Variants in ADGRL2 observed in about 807,000 individuals in gnomAD.
ADGRL2 encodes calcium-independent alpha-latrotoxin receptor 2.
Under a neutral mutation model 157.4 loss-of-function variants are expected in ADGRL2, and 44 were observed. That is an observed-to-expected ratio of 0.28 (90% CI 0.22 to 0.36). The LOEUF (loss-of-function observed/expected upper bound fraction) is 0.36. ADGRL2 is among the 10% of genes least tolerant of loss of function. ADGRL2 has a pLI of 1.00. For synonymous variants in ADGRL2, 585 were observed against 624.7 expected, an observed-to-expected ratio of 0.94 and a Z score of 0.95; for missense variants, 1,510 against 1,768.9, an observed-to-expected ratio of 0.85 and a Z score of 2.63.
At chr1:81,762,708 G>A (rs139951398) in intron 2 of ADGRL2, among the ~76,000 whole-genome samples, 3 of 152,154 alleles carry the variant, frequency 2.0e-5, no homozygotes, top group East Asian at 3.9e-4. Flanking sequence ...GTGCATGTGC[G>A]CTTATATAGA....
At chr1:81,595,587 G>T (rs1037824089) in intron 3 of ADGRL2, among the ~76,000 whole-genome samples, 2 of 152,098 alleles carry the variant, frequency 1.3e-5, no homozygotes, top group Non-Finnish European at 2.9e-5. Flanking sequence ...CAGTACTGGG[G>T]CAAATGTGGT....
intron 2 of ADGRL2, among the ~76,000 whole-genome samples, chr1:81,767,667 T>C (rs1271641505): frequency 1.3e-5 from 2 of 151,248 alleles, no homozygotes; most frequent in African/African-American, 4.9e-5. Context: ...AATCCAGGAG[T>C]TCGAGATCAG....
At chr1:81,881,324 C>T (rs1045257771) in intron 2 of ADGRL2, among the ~76,000 whole-genome samples, 28 of 152,212 alleles carry the variant, frequency 1.8e-4, no homozygotes, top group Admixed American at 1.3e-3. Flanking sequence ...TACAGGAGCC[C>T]GCCGCCACGC....
chr1:81,966,101 CTT>C lies in ADGRL2; in HGVS notation c.2063_2064del (p.Phe688Ter), dbSNP rs1436050403. On this transcript the variant is annotated frameshift_variant, in exon 12 of 24. Coordinates refer to ENST00000686636, the MANE Select transcript of ADGRL2 (RefSeq NM_001366006.2). LOFTEE classifies it high-confidence loss of function. ...TCAGTACAGAAGGACAGATCCAAGA[CTT>C]TAAATTTCCTCTGGGCATCAAAGGA... is the stretch of plus-strand genomic sequence containing the variant. The part of the protein sequence containing the change: ...VLSTEGQIQD[F>X]KFPLGIKGAG... 1 of 1,613,920 alleles carries C rather than the reference CTT, an allele frequency of 6.2e-7. No homozygotes were observed. Among genetic ancestry groups the C allele is most frequent in the African/African-American group, 1.3e-5 (1 of 74,906 alleles).
chr1:81,453,617 A>C (rs1476834789), intron 2 of ADGRL2, among the ~76,000 whole-genome samples: 2 of 152,204 alleles, frequency 1.3e-5, no homozygotes, highest in Non-Finnish European at 2.9e-5. Flanking sequence ...CATAGTTGTA[A>C]ACTGGGAAAT....
intron 3 of ADGRL2, among the ~76,000 whole-genome samples, chr1:81,609,028 A>G (rs2081489384): frequency 6.8e-6 from 1 of 147,242 alleles, no homozygotes; most frequent in African/African-American, 2.5e-5. Flanking sequence ...GTAAGCAAAT[A>G]CATGTACAAG....
intron 2 of ADGRL2, among the ~76,000 whole-genome samples, chr1:81,578,565 C>T (rs1448968944): frequency 6.6e-6 from 1 of 152,064 alleles, no homozygotes; most frequent in Non-Finnish European, 1.5e-5. Context: ...TTAACCTTTT[C>T]TTTTACACCT....
At chr1:81,952,246 T>C in intron 9 of ADGRL2, 104 bp downstream of exon 9, 1 of 844,114 alleles carries the variant, frequency 1.2e-6, no homozygotes, top group Non-Finnish European at 1.7e-6. Flanking sequence ...GGACATATAC[T>C]TAGAAGCAAA....
At chr1:81,708,756 A>G in intron 1 of ADGRL2, among the ~76,000 whole-genome samples, 1 of 152,010 alleles carries the variant, frequency 6.6e-6, no homozygotes, top group East Asian at 1.9e-4. Flanking sequence ...AATCTCTGTT[A>G]TGTGATCACA....
intron 1 of ADGRL2, among the ~76,000 whole-genome samples, chr1:81,429,986 T>C (rs1304011736): frequency 6.6e-6 from 1 of 151,986 alleles, no homozygotes; most frequent in Non-Finnish European, 1.5e-5. Context: ...CTCCGCCTCC[T>C]GGGTTCAAGC....
At chr1:81,503,402 G>C in intron 2 of ADGRL2, 1 of 1,613,826 alleles carries the variant, frequency 6.2e-7, no homozygotes. Context: ...AGCTCTCACT[G>C]TTCACCAAGT....
At chr1:81,368,218 A>T (rs1323598918) in intron 1 of ADGRL2, among the ~76,000 whole-genome samples, 2 of 152,108 alleles carry the variant, frequency 1.3e-5, no homozygotes, top group African/African-American at 2.4e-5. Flanking sequence ...AATAATCACC[A>T]TTCTGACTGG....
At chr1:81,863,124 T>G (rs2093437151) in intron 2 of ADGRL2, among the ~76,000 whole-genome samples, 2 of 152,126 alleles carry the variant, frequency 1.3e-5, no homozygotes, top group East Asian at 3.9e-4. Flanking sequence ...TGTTTGTGAT[T>G]AATAGCCGGT....
chr1:81,677,768 T>C lies in ADGRL2; in HGVS notation c.-142-84043T>C, dbSNP rs181217121. On this transcript the variant is annotated intron_variant, in intron 3 of 24. Transcript: ENST00000370721. ...TGCCAACCCATTCTTTATGTTGAAT[T>C]ATCTTTCTAGAGGATAAATGCAATC... is the stretch of plus-strand genomic sequence containing the variant. Among the ~76,000 whole-genome samples the C allele has an allele frequency of 3.3e-3, 502 of 152,320 alleles. 3 individuals are homozygous for C. The highest frequency in any genetic ancestry group is 4.4e-3 in the Non-Finnish European group (299 of 68,018).
intron 3 of ADGRL2, among the ~76,000 whole-genome samples, chr1:81,935,529 C>G (rs750274832): frequency 6.6e-6 from 1 of 151,898 alleles, no homozygotes; most frequent in South Asian, 2.1e-4. Context: ...ACATGATTCA[C>G]CTTCTACTGC....
chr1:81,981,927 C>T lies in ADGRL2; in HGVS notation c.3233C>T (p.Ala1078Val), dbSNP rs765677337. 15 of 1,612,114 alleles carry T rather than the reference C, an allele frequency of 9.3e-6. No homozygotes were observed. The highest frequency in any genetic ancestry group is 8.5e-7 in the Non-Finnish European group (1 of 1,178,844). ...VMAYLFTIFN[A>V]FQGVFIFIFH... The stretch of plus-strand genomic sequence containing the variant: ...GCATATCTCTTCACTATATTTAATG[C>T]TTTCCAGGGAGTGTTCATTTTCATC... Residue 1078 changes from alanine to valine, a missense_variant, in exon 19 of 24, where the codon GCT (alanine) becomes GTT (valine). Transcript: ENST00000686636.
At chr1:81,648,580 C>G (rs906820762) in intron 3 of ADGRL2, among the ~76,000 whole-genome samples, 1 of 152,162 alleles carries the variant, frequency 6.6e-6, no homozygotes, top group African/African-American at 2.4e-5. Context: ...AAATGTAATG[C>G]CACGAGAACG....
chr1:81,505,543 C>T (rs2148046758), intron 2 of ADGRL2, among the ~76,000 whole-genome samples: 1 of 150,608 alleles, frequency 6.6e-6, no homozygotes, highest in South Asian at 2.1e-4. Flanking sequence ...AGGGTGTCAC[C>T]CAGAGCCGGA....
At chr1:81,723,537 C>G (rs977608323) in intron 1 of ADGRL2, among the ~76,000 whole-genome samples, 1 of 152,124 alleles carries the variant, frequency 6.6e-6, no homozygotes, top group South Asian at 2.1e-4. Context: ...GATTATTGCT[C>G]TAATTTGAGT....
Sources: allele counts gnomAD v4.1 joint callset (sites outside exome capture counted in the v4.1 genomes callset), GRCh38; gene constraint gnomAD v4.1.1; transcripts MANE v1.5; gene names NCBI Gene and HGNC (gene_info 2026-07-23, HGNC 2026-07-21).